Variants in DCDC2 observed in about 807,000 individuals in gnomAD.
DCDC2 encodes doublecortin domain containing 2, also known as doublecortin domain-containing protein 2.
DCDC2 carries 40 observed loss-of-function variants against 50.2 expected under a neutral mutation model. The ratio of observed to expected loss-of-function variants is 0.80; its 90% CI spans 0.62 to 1.04. The LOEUF (loss-of-function observed/expected upper bound fraction) is 1.04. Ranked by LOEUF, DCDC2 falls within the 50% of genes least tolerant of loss-of-function variation. DCDC2 has a pLI of 0.00. For synonymous variants in DCDC2, 234 were observed against 210.6 expected (o/e 1.11, Z -0.96); for missense variants, 570 against 581.9 (o/e 0.98, Z 0.21).
chr6:24,247,054 G>A (rs73726631), intron 7 of DCDC2, among the ~76,000 whole-genome samples: 3,023 of 152,224 alleles, frequency 0.02, 87 homozygotes, highest in African/African-American at 0.064. Context: ...ACTCAGGCTG[G>A]TCTTAACATA....
upstream of DCDC2, chr6:24,358,345 T>C (rs1446171886): frequency 5.9e-6 from 1 of 169,458 alleles, no homozygotes; most frequent in African/African-American, 2.4e-5. Flanking sequence ...ATGCGGTGGC[T>C]TACGCCTGCA....
intron 7 of DCDC2, among the ~76,000 whole-genome samples, chr6:24,206,527 G>A (rs1475910162): frequency 6.6e-6 from 1 of 152,172 alleles, no homozygotes; most frequent in Non-Finnish European, 1.5e-5. Flanking sequence ...CTATGCACAT[G>A]ACTTTTTGGA....
chr6:24,359,225 ATATATTT>A (rs1189912479), upstream of DCDC2, among the ~76,000 whole-genome samples: 125 of 69,758 alleles, frequency 1.8e-3, 2 homozygotes, highest in Admixed American at 7.4e-3. Flanking sequence ...TATATATTTT[ATATATTT>A]TATATATTTT....
intron 2 of DCDC2, among the ~76,000 whole-genome samples, chr6:24,316,862 A>G (rs1361954642): frequency 6.6e-6 from 1 of 152,116 alleles, no homozygotes; most frequent in East Asian, 1.9e-4. Context: ...ATCAAAAATG[A>G]TGACAAAGAC....
chr6:24,238,326 T>C (rs878874416), intron 7 of DCDC2, among the ~76,000 whole-genome samples: 4 of 150,162 alleles, frequency 2.7e-5, no homozygotes, highest in African/African-American at 9.9e-5. Context: ...TGAGATGGAG[T>C]CTTGTTCTGT....
Position 24,291,188 on chromosome 6 carries a change from A to T in DCDC2, c.558-110T>A. 2 of 1,088,864 alleles carry T rather than the reference A, an allele frequency of 1.8e-6. 1 individual carries two copies. The highest frequency in any genetic ancestry group is 2.9e-5 in the South Asian group (2 of 68,574). The allele number at this position is 1,088,864 out of a possible 1,614,324, so 67.5% of individuals were successfully genotyped here. A position where few individuals can be genotyped will look rare whatever the true frequency, so the allele number is the denominator to read the frequency against. ...AAAAAATTAAAATTACATAGTAAAT[A>T]AAAACATTCTGTACTTAATTTAGCT... On this transcript the variant is annotated intron_variant, in intron 4 of 9. Coordinates refer to ENST00000378454, the MANE Select transcript of DCDC2 (RefSeq NM_016356.5).
intron 8 of DCDC2, among the ~76,000 whole-genome samples, chr6:24,188,828 TA>T (rs1045212491): frequency 1.3e-5 from 2 of 152,114 alleles, no homozygotes; most frequent in African/African-American, 4.8e-5. Flanking sequence ...ATGTACATAA[TA>T]GTATAAACAA....
At chr6:24,358,077 G>A, upstream of DCDC2, 1 of 793,550 alleles carries the variant, frequency 1.3e-6, no homozygotes, top group South Asian at 2.1e-5. Flanking sequence ...AGCCGGAAAC[G>A]CGCGGGGCCT....
chr6:24,309,309 AG>A (rs1759531253), intron 2 of DCDC2, among the ~76,000 whole-genome samples: 2 of 143,732 alleles, frequency 1.4e-5, no homozygotes, highest in South Asian at 4.6e-4. Context: ...CGGGCGACAC[AG>A]TGCAAGACTC....
At chr6:24,327,488 G>GATTGATTGATTGA (rs58677081) in intron 2 of DCDC2, among the ~76,000 whole-genome samples, 24 of 84,256 alleles carry the variant, frequency 2.8e-4, no homozygotes, top group African/African-American at 6.1e-4. Context: ...TTATTTATTG[G>GATTGATTGATTGA]CTGATACGGA....
intron 7 of DCDC2, 133 bp from the exon 8 acceptor site, chr6:24,205,235 AC>A (rs750246381): frequency 2.4e-5 from 38 of 1,592,930 alleles, no homozygotes; most frequent in Non-Finnish European, 3.0e-5. Flanking sequence ...ATTTTTGTGC[AC>A]CCCCTCCTCC....
upstream of DCDC2, among the ~76,000 whole-genome samples, chr6:24,359,423 A>ATATATT (rs1296472240): frequency 1.4e-5 from 1 of 72,854 alleles, no homozygotes; most frequent in African/African-American, 6.4e-5. Context: ...TATATATTAT[A>ATATATT]TATATTTATA....
intron 7 of DCDC2, among the ~76,000 whole-genome samples, chr6:24,254,369 G>C (rs899921820): frequency 5.9e-5 from 9 of 152,038 alleles, no homozygotes; most frequent in African/African-American, 2.2e-4. Flanking sequence ...AATTATTTGT[G>C]CTTTTATATG....
At chr6:24,249,988 G>A (rs890091646) in intron 7 of DCDC2, among the ~76,000 whole-genome samples, 33 of 152,296 alleles carry the variant, frequency 2.2e-4, no homozygotes, top group Middle Eastern at 3.4e-3. Flanking sequence ...CATAGTAATG[G>A]ACTCATCAAT....
At chr6:24,358,805 ATT>A (rs1760540379), upstream of DCDC2, among the ~76,000 whole-genome samples, 5 of 48,428 alleles carry the variant, frequency 1.0e-4, no homozygotes, top group African/African-American at 3.4e-4. Context: ...TATTTTATAT[ATT>A]ATATATAAAT....
rs1007594325 is a variant in DCDC2 at position 24,173,932 on chromosome 6, G to A, written c.*798C>T. 4 of 152,304 alleles carry A rather than the reference G, an allele frequency of 2.6e-5. No individual in the cohort carries two copies. The highest frequency in any genetic ancestry group is 4.4e-5 in the Non-Finnish European group (3 of 68,020). 9.4% of individuals were successfully genotyped at this position (152,304 alleles called of 1,614,324 possible). Reference sequence around the variant, plus strand: ...CTCTAATAACATAAGGGAGAAGAGAGAGATACTATTGGTAAAGATAGACTG... The same window carrying A: ...CTCTAATAACATAAGGGAGAAGAGAAAGATACTATTGGTAAAGATAGACTG... On this transcript the variant is annotated 3_prime_UTR_variant, in exon 10 of 10. Transcript: ENST00000378454.
At chr6:24,316,663 G>T (rs1169917019) in intron 2 of DCDC2, among the ~76,000 whole-genome samples, 3 of 152,044 alleles carry the variant, frequency 2.0e-5, no homozygotes, top group Non-Finnish European at 2.9e-5. Context: ...GTAGAATTAG[G>T]TATTCAGAGG....
chr6:24,346,069 C>G (rs1760248757), intron 2 of DCDC2, among the ~76,000 whole-genome samples: 1 of 150,538 alleles, frequency 6.6e-6, no homozygotes, highest in African/African-American at 2.4e-5. Context: ...GTCCCAGCTA[C>G]TCAGGAGGCT....
chr6:24,178,176 T>C (rs1473043135), intron 9 of DCDC2, among the ~76,000 whole-genome samples, 154 bp downstream of exon 9: 11 of 152,146 alleles, frequency 7.2e-5, no homozygotes, highest in African/African-American at 2.7e-4. Flanking sequence ...AAATAACTAG[T>C]AAGTAAAGGG....
Sources: gnomAD v4.1 joint callset for allele counts (sites outside exome capture counted in the v4.1 genomes callset) on GRCh38, gnomAD v4.1.1 for gene constraint, MANE v1.5 for transcripts, NCBI Gene and HGNC (gene_info 2026-07-23, HGNC 2026-07-21) for gene names.